The following ZPBP variants were observed in gnomAD, a reference collection of about 807,000 sequenced individuals.
The protein encoded by ZPBP is zona pellucida binding protein.
A neutral mutation model predicts 44.8 loss-of-function variants in ZPBP; 26 were observed. That is an observed-to-expected ratio of 0.58 (90% CI 0.43 to 0.81). The LOEUF is 0.81. Among genes scored for constraint, ZPBP ranks in the 30% least tolerant of loss-of-function variants. ZPBP has a pLI of 0.00. For missense variants in ZPBP, 409 were observed against 434.0 expected (o/e 0.94, Z 0.51); for synonymous variants, 174 against 153.2 (o/e 1.14, Z -1.00).
chr7:49,975,190 C>A (rs1182473283), intron 7 of ZPBP, among the ~76,000 whole-genome samples: 1 of 152,144 alleles, frequency 6.6e-6, no homozygotes, highest in Admixed American at 6.5e-5. Context: ...CTCCTACCCT[C>A]CTCAAGGCCA....
chr7:50,076,951 A>G (rs1802121693), intron 3 of ZPBP, among the ~76,000 whole-genome samples: 1 of 151,970 alleles, frequency 6.6e-6, no homozygotes, highest in African/African-American at 2.4e-5. Flanking sequence ...AGCTATCCTG[A>G]GCAAAAAGAG....
At chr7:49,971,408 C>A (rs1414747250) in intron 7 of ZPBP, among the ~76,000 whole-genome samples, 1 of 151,964 alleles carries the variant, frequency 6.6e-6, no homozygotes, top group Non-Finnish European at 1.5e-5. Context: ...TACTAAAAAT[C>A]ATAATTTAAA....
At chr7:49,966,817 T>C (rs1277208054) in intron 7 of ZPBP, among the ~76,000 whole-genome samples, 1 of 152,062 alleles carries the variant, frequency 6.6e-6, no homozygotes, top group Non-Finnish European at 1.5e-5. Flanking sequence ...AAGCCCACAA[T>C]AGAAATGGGG....
At chr7:49,911,725 C>T (rs967235995) in intron 1 of ZPBP, among the ~76,000 whole-genome samples, 2 of 151,532 alleles carry the variant, frequency 1.3e-5, no homozygotes, top group Admixed American at 6.6e-5. Flanking sequence ...TGTTAAACCC[C>T]ATTTCTACAA....
intron 7 of ZPBP, among the ~76,000 whole-genome samples, chr7:49,977,198 C>T (rs955374069): frequency 6.6e-6 from 1 of 151,930 alleles, no homozygotes; most frequent in African/African-American, 2.4e-5. Context: ...AATGACCTAT[C>T]CATTGGCCAT....
chr7:50,086,149 A>G (rs1405964263), intron 2 of ZPBP, among the ~76,000 whole-genome samples: 1 of 152,148 alleles, frequency 6.6e-6, no homozygotes, highest in Non-Finnish European at 1.5e-5. Flanking sequence ...GATAAAGAAT[A>G]CATAACTTAC....
chr7:49,851,420 C>A (rs552311230), intron 2 of ZPBP, among the ~76,000 whole-genome samples: 5 of 152,326 alleles, frequency 3.3e-5, no homozygotes, highest in Middle Eastern at 3.4e-3. Context: ...TCATAGCAGA[C>A]GGGCACTTAA....
chr7:50,035,042 C>T (rs1799769303), intron 4 of ZPBP, among the ~76,000 whole-genome samples: 1 of 152,224 alleles, frequency 6.6e-6, no homozygotes, highest in African/African-American at 2.4e-5. Flanking sequence ...ACTTGCTAAT[C>T]TGTCCAGAGA....
At position 49,964,605 on chromosome 7, in the gene ZPBP, A is replaced by G. The variant is rs1025725086; in HGVS notation, c.961+18737T>C. 2.0e-5 allele frequency among the ~76,000 whole-genome samples: 3 copies of G among 152,146 alleles called. No individual in the cohort carries two copies. In the East Asian group the frequency reaches 5.8e-4, roughly 29 times the overall value. On this transcript the variant is annotated intron_variant, in intron 7 of 7. Coordinates refer to ENST00000046087, the MANE Select transcript of ZPBP (RefSeq NM_007009.3). ...AGAAGCCCTAAAGAAAGACAGGTAT[A>G]TCACACTTACAGACATGAAGCACAT... is the stretch of plus-strand genomic sequence containing the variant.
At chr7:50,066,252 GCTCT>G (rs1801496174) in intron 3 of ZPBP, among the ~76,000 whole-genome samples, 1 of 150,300 alleles carries the variant, frequency 6.7e-6, no homozygotes, top group African/African-American at 2.5e-5. Context: ...TGAGCTATAA[GCTCT>G]CTTTCTTTTT....
At chr7:49,844,173 G>A in the ZPBP span, among the ~76,000 whole-genome samples, 17 of 152,310 alleles carry the variant, frequency 1.1e-4, 1 homozygote, top group Middle Eastern at 6.8e-3. Context: ...CTGCTCAGAC[G>A]GGAATCGCAC....
At chr7:49,994,219 G>T (rs948261896) in intron 6 of ZPBP, among the ~76,000 whole-genome samples, 3 of 152,212 alleles carry the variant, frequency 2.0e-5, no homozygotes, top group Admixed American at 1.3e-4. Context: ...CTTCAGGGAT[G>T]TCCCAGGCAG....
chr7:49,946,513 A>G (rs1401749159), intron 7 of ZPBP, among the ~76,000 whole-genome samples: 2 of 152,066 alleles, frequency 1.3e-5, no homozygotes, highest in African/African-American at 4.8e-5. Context: ...CAATTTAAAT[A>G]TGTCATACCA....
chr7:50,057,703 T>C lies in ZPBP; in HGVS notation c.487+286A>G, dbSNP rs557628321. On this transcript the variant is annotated intron_variant, in intron 4 of 7. Transcript: ENST00000046087. ...TTAGAATTTAATATAGTACAAGCCA[T>C]AATATCATCATAATAATTTGAAAAC... Among the ~76,000 whole-genome samples the C allele has an allele frequency of 7.2e-5, 11 of 152,270 alleles. No individual in the cohort carries two copies. The South Asian group carries it at 2.1e-3, about 29-fold the overall frequency.
At chr7:49,868,235 T>G (rs950446871) in intron 2 of ZPBP, among the ~76,000 whole-genome samples, 1 of 152,232 alleles carries the variant, frequency 6.6e-6, no homozygotes, top group Admixed American at 6.5e-5. Context: ...TAGATGCTGT[T>G]TCCTAAGAAC....
intron 3 of ZPBP, among the ~76,000 whole-genome samples, chr7:50,061,619 G>T (rs900013506): frequency 6.6e-6 from 1 of 152,170 alleles, no homozygotes; most frequent in Non-Finnish European, 1.5e-5. Flanking sequence ...TGATTTTAAT[G>T]ATTTCTCCTG....
intron 3 of ZPBP, among the ~76,000 whole-genome samples, chr7:50,075,659 T>C (rs1802041695): frequency 2.0e-5 from 3 of 151,904 alleles, no homozygotes; most frequent in African/African-American, 7.2e-5. Flanking sequence ...CCAGAAGAAA[T>C]GGACAAATTC....
At chr7:49,860,128 T>G (rs903066906) in intron 2 of ZPBP, among the ~76,000 whole-genome samples, 2 of 152,198 alleles carry the variant, frequency 1.3e-5, no homozygotes, top group African/African-American at 4.8e-5. Context: ...ATTGCCATTT[T>G]AATCTTTTTA....
chr7:50,060,778 T>C (rs1205908507), intron 3 of ZPBP, among the ~76,000 whole-genome samples: 2 of 152,126 alleles, frequency 1.3e-5, no homozygotes, highest in Admixed American at 6.5e-5. Flanking sequence ...TCCCAAAAAA[T>C]TGAGGAGGAT....
Sources: gnomAD v4.1 joint callset for allele counts (sites outside exome capture counted in the v4.1 genomes callset) on GRCh38, gnomAD v4.1.1 for gene constraint, MANE v1.5 for transcripts, NCBI Gene and HGNC (gene_info 2026-07-23, HGNC 2026-07-21) for gene names.